BCL6: variants seen among roughly 807,000 people sequenced by gnomAD.
The protein encoded by BCL6 is BCL6 transcription repressor.
In BCL6, 7 loss-of-function variants were observed where a neutral mutation model predicts 59.5. That is an observed-to-expected ratio of 0.12 (90% confidence interval 0.07 to 0.22). The LOEUF is 0.22. Ranked by LOEUF, BCL6 falls within the 10% of genes least tolerant of loss-of-function variation. The pLI is 1.00. For synonymous variants in BCL6, 339 were observed against 349.7 expected (o/e 0.97, Z 0.34); for missense variants, 685 against 939.4 (o/e 0.73, Z 3.54).
intron 1 of BCL6, among the ~76,000 whole-genome samples, chr3:187,744,867 C>A (rs575553483): frequency 2.0e-5 from 3 of 152,168 alleles, no homozygotes; most frequent in African/African-American, 4.8e-5. Flanking sequence ...CCGCACGAAT[C>A]CAGAGAGATC....
Position 187,725,596 on chromosome 3 carries a change from G to A in BCL6, c.1742C>T (p.Ala581Val). 6.2e-7 allele frequency: 1 copy of A among 1,614,174 alleles called. No homozygotes were observed. The highest frequency in any genetic ancestry group is 8.5e-7 in the Non-Finnish European group (1 of 1,180,026). The stretch of plus-strand genomic sequence containing the variant: ...CAGGTTGGCTGGCCGGTTGAACTGG[G>A]CCCCACAGATGTTGCAACGATAGGG... The part of the protein sequence containing the change: ...EKPYRCNICG[A>V]QFNRPANLKT... Residue 581 changes from alanine (A) to valine (V), a missense_variant, in exon 8 of 10, where the codon GCC becomes GTC. Ala to Val is a moderately conservative substitution (Grantham distance 64). Around this residue, in one of 7 missense-constraint regions of BCL6, gnomAD observed 42 missense variants for 101.7 expected, o/e 0.41. Transcript: ENST00000406870. The surrounding 1 kb of genome is among the most constrained non-coding windows in gnomAD (Gnocchi z 4.7).
chr3:187,729,798 C>T lies in BCL6; in HGVS notation c.607G>A (p.Val203Ile), dbSNP rs1718938945. 1 of 1,613,990 alleles carries T rather than the reference C, an allele frequency of 6.2e-7. No individual in the cohort carries two copies. Among genetic ancestry groups the T allele is most frequent in the Admixed American group, 1.7e-5 (1 of 60,002 alleles). ...TCATCGGAGAAGAGGAGGCTGCTGA[C>T]AGGGAGGTGGCTGTACATGGAATAA... ...ASYSMYSHLPVSSLLFSDEEF... is the reference protein window; with the variant it reads ...ASYSMYSHLPISSLLFSDEEF... The change falls in exon 5 of 10, where the codon GTC becomes ATC. Residue 203 changes from valine to isoleucine, a missense_variant. Coordinates refer to ENST00000406870, the MANE Select transcript of BCL6 (RefSeq NM_001706.5). The surrounding 1 kb of genome is among the most constrained non-coding windows in gnomAD (Gnocchi z 5.6).
At position 187,722,495 on chromosome 3, in the gene BCL6, G is replaced by T; in HGVS notation, c.2084C>A (p.Ala695Asp). The stretch of plus-strand genomic sequence containing the variant: ...GGGGAGCTCCGGAGGCAGGTCAGTG[G>T]CTGACACGCGGTATTGCACCTTGGT... ...TNTKVQYRVSATDLPPELPKA... is the reference protein window; with the variant it reads ...TNTKVQYRVSDTDLPPELPKA... The change falls in exon 10 of 10, where the codon GCC becomes GAC. Residue 695 changes from alanine (A) to aspartate (D), a missense_variant. Transcript: ENST00000406870. 1 of 1,613,762 alleles carries T rather than the reference G, an allele frequency of 6.2e-7. No homozygotes were observed. Among genetic ancestry groups the T allele is most frequent in the African/African-American group, 1.3e-5 (1 of 75,042 alleles).
intron 1 of BCL6, among the ~76,000 whole-genome samples, chr3:187,744,630 C>G (rs1711801381): frequency 1.3e-5 from 2 of 152,092 alleles, no homozygotes; most frequent in African/African-American, 2.4e-5. Context: ...CCTTCCAAAT[C>G]TCGGTTCGGC....
At chr3:187,743,395 C>G (rs1349779763) in intron 1 of BCL6, among the ~76,000 whole-genome samples, 4 of 152,028 alleles carry the variant, frequency 2.6e-5, no homozygotes, top group Non-Finnish European at 4.4e-5. Flanking sequence ...GTCAGGGGCC[C>G]TGTGACAGCT....
In BCL6 at chr3:187,733,577, G is replaced by A. The variant is rs1719147484; in HGVS notation, c.117C>T (p.Ser39=). ...DILTDVVIVV[S]REQFRAHKTV... is the part of the protein sequence containing the mutation. ...TTTTATGGGCTCTAAACTGCTCACGGCTCACAACAATGACAACATCAGTCA... is the reference window on the plus strand; with the variant it reads ...TTTTATGGGCTCTAAACTGCTCACGACTCACAACAATGACAACATCAGTCA... Residue 39 remains serine (S), a synonymous_variant, in exon 3 of 10, where the codon AGC becomes AGT. Transcript: ENST00000406870. 6.2e-7 allele frequency: 1 copy of A among 1,614,036 alleles called. No individual in the cohort carries two copies. Among genetic ancestry groups the A allele is most frequent in the Non-Finnish European group, 8.5e-7 (1 of 1,180,002 alleles).
intron 9 of BCL6, among the ~76,000 whole-genome samples, chr3:187,722,919 T>C (rs1036558714): frequency 6.6e-6 from 1 of 152,212 alleles, no homozygotes; most frequent in Non-Finnish European, 1.5e-5. Context: ...GATTAAGGCA[T>C]TTCTGAATCT....
chr3:187,745,263 A>G (rs553125630), intron 1 of BCL6, 147 bp downstream of exon 1: 4 of 398,350 alleles, frequency 1.0e-5, no homozygotes, highest in East Asian at 3.6e-5. Flanking sequence ...GAAAACTTGG[A>G]GCCAAAGCAT....
rs771608305 is a variant in BCL6, at chr3:187,729,856, G to A, written c.549C>T (p.Ser183=). Residue 183 remains serine (S), a synonymous_variant, in exon 5 of 10, where the codon AGC becomes AGT. Transcript: ENST00000406870. The surrounding 1 kb of genome is among the most constrained non-coding windows in gnomAD (Gnocchi z 5.6). The stretch of plus-strand genomic sequence containing the variant: ...GCGGTGTGGACAGGCCACTGTACAG[G>A]CTGGGGGCAAAGGCTCTGCTCTCAC... ...PGCESRAFAP[S]LYSGLSTPPA... 2 of 1,614,088 alleles carry A rather than the reference G, an allele frequency of 1.2e-6. No individual in the cohort carries two copies. Among genetic ancestry groups the A allele is most frequent in the South Asian group, 1.1e-5 (1 of 91,072 alleles).
intron 7 of BCL6, among the ~76,000 whole-genome samples, chr3:187,726,215 T>G (rs1324802245): frequency 6.6e-6 from 1 of 152,096 alleles, no homozygotes; most frequent in African/African-American, 2.4e-5. Context: ...TGGGCCTGAG[T>G]AGATGCTCAG....
At position 187,725,492 on chromosome 3, in the gene BCL6, T is replaced by A; in HGVS notation, c.1839+7A>T. 1 of 1,613,238 alleles carries A rather than the reference T, an allele frequency of 6.2e-7. No individual in the cohort carries two copies. Among genetic ancestry groups the A allele is most frequent in the Non-Finnish European group, 8.5e-7 (1 of 1,179,682 alleles). On this transcript the variant is annotated splice_region_variant and intron_variant, in intron 8 of 9. Coordinates refer to ENST00000406870, the MANE Select transcript of BCL6 (RefSeq NM_001706.5). The surrounding 1 kb of genome is among the most constrained non-coding windows in gnomAD (Gnocchi z 4.7). ...GCCCGCTCCGCTCGCCTGCCCACTC[T>A]GCTCACCTGTACAAATCTGGCTCCG...
chr3:187,729,649 A>C lies in BCL6; in HGVS notation c.756T>G (p.Asn252Lys). 6.2e-7 allele frequency: 1 copy of C among 1,614,116 alleles called. No individual in the cohort carries two copies. The highest frequency in any genetic ancestry group is 8.5e-7 in the Non-Finnish European group (1 of 1,180,022). The change falls in exon 5 of 10, where the codon AAT becomes AAG. Residue 252 changes from asparagine (N) to lysine (K), a missense_variant. Asn to Lys is a moderately conservative substitution (Grantham distance 94). Around this residue, in one of 7 missense-constraint regions of BCL6, gnomAD observed 268 missense variants for 263.8 expected, o/e 1.02. Transcript: ENST00000406870. The surrounding 1 kb of genome is among the most constrained non-coding windows in gnomAD (Gnocchi z 5.6). ...YSRPTLEVSP[N>K]VCHSNIYSPK... is the part of the protein sequence containing the mutation. ...GTGAATAGATATTGCTGTGGCACAC[A>C]TTGGGGGACACCTCCAAAGTCGGCC...
intron 1 of BCL6, among the ~76,000 whole-genome samples, chr3:187,738,548 C>A (rs529388094): frequency 4.9e-4 from 75 of 152,308 alleles, no homozygotes; most frequent in African/African-American, 1.7e-3. Context: ...CCCCTGCGCG[C>A]GCACTGGCAC....
chr3:187,738,212 G>T (rs991058388), intron 1 of BCL6, among the ~76,000 whole-genome samples: 5 of 152,140 alleles, frequency 3.3e-5, no homozygotes, highest in African/African-American at 9.7e-5. Context: ...GTCCGATTCC[G>T]AAGTTTATTT....
At chr3:187,735,598 G>C (rs1719247998) in intron 1 of BCL6, among the ~76,000 whole-genome samples, 1 of 152,210 alleles carries the variant, frequency 6.6e-6, no homozygotes, top group African/African-American at 2.4e-5. Context: ...TCTAAGACCA[G>C]ACAGAATGCC....
At chr3:187,742,119 G>A (rs3774299) in intron 1 of BCL6, among the ~76,000 whole-genome samples, 73,540 of 151,840 alleles carry the variant, frequency 0.48, 21,263 homozygotes, top group Middle Eastern at 0.69. Flanking sequence ...TAAATCTCTG[G>A]GGGAAAAATG....
In BCL6 at chr3:187,729,647, A is replaced by G; in HGVS notation, c.758T>C (p.Val253Ala). The change falls in exon 5 of 10, where the codon GTG becomes GCG. Residue 253 changes from valine (V) to alanine (A), a missense_variant. By Grantham distance (64) the Val-to-Ala change is moderately conservative. This residue lies in a region of BCL6 where 268 missense variants were observed against 263.8 expected (regional missense o/e 1.02). Coordinates refer to ENST00000406870, the MANE Select transcript of BCL6 (RefSeq NM_001706.5). The surrounding 1 kb of genome is among the most constrained non-coding windows in gnomAD (Gnocchi z 5.6). ...SRPTLEVSPN[V>A]CHSNIYSPKE... ...GGGTGAATAGATATTGCTGTGGCAC[A>G]CATTGGGGGACACCTCCAAAGTCGG... The G allele has an allele frequency of 6.2e-7, 1 of 1,614,196 alleles. No homozygotes were observed. Among genetic ancestry groups the G allele is most frequent in the South Asian group, 1.1e-5 (1 of 91,086 alleles).
intron 1 of BCL6, among the ~76,000 whole-genome samples, chr3:187,740,663 G>T (rs756741758): frequency 2.0e-5 from 3 of 152,136 alleles, no homozygotes; most frequent in Non-Finnish European, 2.9e-5. Context: ...CCACTAACAA[G>T]CCTCCTCGTC....
chr3:187,730,098 T>G, intron 4 of BCL6, 77 bp from the exon 5 acceptor site: 1 of 1,495,014 alleles, frequency 6.7e-7, no homozygotes, highest in Non-Finnish European at 8.9e-7. Context: ...GTGACACTTA[T>G]ATAACCACAT....
Sources: gnomAD v4.1 joint callset for allele counts (sites outside exome capture counted in the v4.1 genomes callset) on GRCh38, gnomAD v4.1.1 for gene constraint, gnomAD v4.1.1 regional missense constraint, Gnocchi (gnomAD v3.1) non-coding constraint, MANE v1.5 for transcripts, NCBI Gene and HGNC (gene_info 2026-07-23, HGNC 2026-07-21) for gene names.